Variants in SH3BGRL2 observed in about 807,000 individuals in gnomAD.
SH3BGRL2 encodes the protein SH3 domain binding glutamate rich protein like 2.
In SH3BGRL2, 21 loss-of-function variants were observed where a neutral mutation model predicts 14.8. The ratio of observed to expected loss-of-function variants is 1.42; its 90% CI spans 1.01 to 2.05. The LOEUF (loss-of-function observed/expected upper bound fraction) is 2.05, where lower values mean the gene tolerates loss of function less well. Ranked by LOEUF, SH3BGRL2 falls within the 30% of genes most tolerant of loss-of-function variation. The pLI is 0.00. For missense variants in SH3BGRL2, 147 were observed against 130.8 expected (o/e 1.12, Z -0.61); for synonymous variants, 50 against 47.8 (o/e 1.05, Z -0.19).
chr6:79,671,491 G>A (rs1390244863), intron 1 of SH3BGRL2, among the ~76,000 whole-genome samples: 1 of 152,150 alleles, frequency 6.6e-6, no homozygotes, highest in Non-Finnish European at 1.5e-5. Flanking sequence ...TGAAAGCAGT[G>A]ACTGTTGGCC....
the SH3BGRL2 span, among the ~76,000 whole-genome samples, chr6:79,566,319 G>A: frequency 2.0e-5 from 3 of 152,072 alleles, no homozygotes; most frequent in Non-Finnish European, 4.4e-5. Context: ...GTCCCTACTG[G>A]ACCTCAAGTT....
At chr6:79,566,621 T>C in the SH3BGRL2 span, among the ~76,000 whole-genome samples, 1 of 152,192 alleles carries the variant, frequency 6.6e-6, no homozygotes, top group African/African-American at 2.4e-5. Flanking sequence ...AATTATATTT[T>C]ACTCCATTTA....
At chr6:79,576,036 A>G in the SH3BGRL2 span, among the ~76,000 whole-genome samples, 1 of 152,090 alleles carries the variant, frequency 6.6e-6, no homozygotes, top group Non-Finnish European at 1.5e-5. Context: ...AAACATTGCT[A>G]TGTAACTAGC....
intron 1 of SH3BGRL2, among the ~76,000 whole-genome samples, chr6:79,646,938 A>G (rs1175231247): frequency 6.6e-6 from 1 of 152,174 alleles, no homozygotes; most frequent in Admixed American, 6.5e-5. Context: ...TCCATTTATC[A>G]GTTGATGGAT....
At chr6:79,676,998 A>G (rs1302114877) in intron 2 of SH3BGRL2, among the ~76,000 whole-genome samples, 1 of 152,182 alleles carries the variant, frequency 6.6e-6, no homozygotes, top group Non-Finnish European at 1.5e-5. Flanking sequence ...GGTGGTGGTC[A>G]CGACAGCTAT....
At chr6:79,636,650 T>A (rs1189454080) in intron 1 of SH3BGRL2, among the ~76,000 whole-genome samples, 2 of 151,850 alleles carry the variant, frequency 1.3e-5, no homozygotes, top group Non-Finnish European at 2.9e-5. Context: ...GATCAGGGAG[T>A]TGGTGGGGTT....
chr6:79,681,868 C>T (rs969420120), intron 2 of SH3BGRL2, among the ~76,000 whole-genome samples: 1 of 152,010 alleles, frequency 6.6e-6, no homozygotes. Flanking sequence ...AGGAGAATCG[C>T]TTGATCCCAG....
Position 79,673,608 on chromosome 6 carries a change from CT to C in SH3BGRL2, c.46-3del, listed in dbSNP as rs1322635686. The stretch of plus-strand genomic sequence containing the variant: ...ATCTACTTATTTGTTTGTCTTCTCT[CT>C]TTAGATAAAGAAGAAGCAGCAAGAT... On this transcript the variant is annotated splice_polypyrimidine_tract_variant and splice_region_variant and intron_variant, in intron 1 of 3. Coordinates refer to ENST00000369838, the MANE Select transcript of SH3BGRL2 (RefSeq NM_031469.4). 1 of 1,613,380 alleles carries C rather than the reference CT, an allele frequency of 6.2e-7. No individual in the cohort carries two copies. Among genetic ancestry groups the C allele is most frequent in the Admixed American group, 1.7e-5 (1 of 59,912 alleles).
At chr6:79,614,481 T>C in the SH3BGRL2 span, among the ~76,000 whole-genome samples, 6 of 152,258 alleles carry the variant, frequency 3.9e-5, no homozygotes, top group East Asian at 9.7e-4. Context: ...TGTACAGAAC[T>C]GGGCCCTGCT....
At chr6:79,599,657 A>T in the SH3BGRL2 span, among the ~76,000 whole-genome samples, 1 of 152,108 alleles carries the variant, frequency 6.6e-6, no homozygotes, top group South Asian at 2.1e-4. Context: ...ACTGAGTACA[A>T]CCCAAACGTC....
chr6:79,660,572 T>G (rs1229763721), intron 1 of SH3BGRL2, among the ~76,000 whole-genome samples: 1 of 152,190 alleles, frequency 6.6e-6, no homozygotes, highest in Non-Finnish European at 1.5e-5. Flanking sequence ...TGCATCGATG[T>G]TCATCAGGGA....
the SH3BGRL2 span, among the ~76,000 whole-genome samples, chr6:79,542,367 G>T: frequency 6.6e-6 from 1 of 151,866 alleles, no homozygotes; most frequent in Non-Finnish European, 1.5e-5. Context: ...CTGCCTCCTG[G>T]GTTCAAGCAA....
the SH3BGRL2 span, among the ~76,000 whole-genome samples, chr6:79,607,984 G>T: frequency 0.073 from 11,161 of 152,172 alleles, 518 homozygotes; most frequent in Non-Finnish European, 0.1. Context: ...TCAGCTCATG[G>T]TTCCTCAGGC....
chr6:79,631,845 A>T (rs1015999846), intron 1 of SH3BGRL2, among the ~76,000 whole-genome samples: 1 of 152,140 alleles, frequency 6.6e-6, no homozygotes, highest in Non-Finnish European at 1.5e-5. Flanking sequence ...CCCTTCCCCT[A>T]GTTTAGTTCT....
At chr6:79,573,976 A>G in the SH3BGRL2 span, 1 of 152,142 alleles carries the variant, frequency 6.6e-6, no homozygotes, top group Non-Finnish European at 1.5e-5. Flanking sequence ...ACAAGATTCT[A>G]TGTGTGTCTG....
chr6:79,572,027 A>C, the SH3BGRL2 span, among the ~76,000 whole-genome samples: 1 of 152,196 alleles, frequency 6.6e-6, no homozygotes, highest in African/African-American at 2.4e-5. Context: ...ACAATGGTAC[A>C]TTTGTCCATA....
the SH3BGRL2 span, among the ~76,000 whole-genome samples, chr6:79,586,312 ATTC>A: frequency 4.2e-5 from 6 of 142,496 alleles, no homozygotes; most frequent in African/African-American, 1.0e-4. Flanking sequence ...GCCCAAGACA[ATTC>A]TTCTTCCAAT....
At chr6:79,580,695 G>A in the SH3BGRL2 span, among the ~76,000 whole-genome samples, 1 of 152,104 alleles carries the variant, frequency 6.6e-6, no homozygotes, top group Non-Finnish European at 1.5e-5. Flanking sequence ...AAGTTGAAAA[G>A]ATCTAAAATC....
In SH3BGRL2 at chr6:79,699,678, G is replaced by A. The variant is rs1205869527; in HGVS notation, c.*169G>A. The stretch of plus-strand genomic sequence containing the variant: ...GATGTGGCTATAATGAGAATTGCAT[G>A]ATTGCTTTAAACCAAATCAGGTGGT... On this transcript the variant is annotated 3_prime_UTR_variant, in exon 4 of 4. Transcript: ENST00000369838. 3.1e-6 allele frequency: 3 copies of A among 961,788 alleles called. No homozygotes were observed. Among genetic ancestry groups the A allele is most frequent in the African/African-American group, 1.7e-5 (1 of 59,678 alleles). The allele number at this position is 961,788 out of a possible 1,614,324, so 59.6% of individuals were successfully genotyped here. A position where few individuals can be genotyped will look rare whatever the true frequency, so the allele number is the denominator to read the frequency against.
Sources: gnomAD v4.1 joint callset for allele counts (sites outside exome capture counted in the v4.1 genomes callset) on GRCh38, gnomAD v4.1.1 for gene constraint, MANE v1.5 for transcripts, NCBI Gene and HGNC (gene_info 2026-07-23, HGNC 2026-07-21) for gene names.